PDIA6: variants seen among roughly 807,000 people sequenced by gnomAD.
PDIA6 encodes the protein protein disulfide isomerase family A member 6.
Under a neutral mutation model 58.4 loss-of-function variants are expected in PDIA6, and 29 were observed. The ratio of observed to expected loss-of-function variants is 0.50; its 90% CI spans 0.37 to 0.68. The LOEUF is 0.68. Among genes scored for constraint, PDIA6 ranks in the 30% least tolerant of loss-of-function variants. The pLI is 0.00. For missense variants in PDIA6, 480 were observed against 551.0 expected (o/e 0.87, Z 1.29); for synonymous variants, 192 against 202.6 (o/e 0.95, Z 0.44).
intron 4 of PDIA6, among the ~76,000 whole-genome samples, chr2:10,794,577 G>A (rs929398119): frequency 4.0e-5 from 6 of 149,836 alleles, no homozygotes; most frequent in African/African-American, 7.4e-5. Flanking sequence ...TGTGGCAGCC[G>A]GCCTTTTTTT....
At chr2:10,817,173 A>T (rs1667222937), upstream of PDIA6, among the ~76,000 whole-genome samples, 1 of 152,196 alleles carries the variant, frequency 6.6e-6, no homozygotes, top group African/African-American at 2.4e-5. Flanking sequence ...AGTGAAAGTG[A>T]TGTTATTAAA....
intron 4 of PDIA6, among the ~76,000 whole-genome samples, chr2:10,795,209 G>T (rs1286970955): frequency 6.6e-6 from 1 of 152,162 alleles, no homozygotes; most frequent in Non-Finnish European, 1.5e-5. Context: ...ACTGTCTATT[G>T]CAACTACTCA....
chr2:10,783,483 T>C lies in PDIA6; in HGVS notation c.*775A>G. On this transcript the variant is annotated 3_prime_UTR_variant, in exon 13 of 13. Transcript: ENST00000272227. ...CAAATTCAAAACTTCATTTTCTGAA[T>C]GTTTTACATAAATGCGAACTACCTG... 1 of 462,960 alleles carries C rather than the reference T, an allele frequency of 2.2e-6. No individual in the cohort carries two copies. Among genetic ancestry groups the C allele is most frequent in the Non-Finnish European group, 3.9e-6 (1 of 257,060 alleles). The allele number at this position is 462,960 out of a possible 1,614,324, so 28.7% of individuals were successfully genotyped here. A position where few individuals can be genotyped will look rare whatever the true frequency, so the allele number is the denominator to read the frequency against.
intron 10 of PDIA6, 128 bp downstream of exon 10, chr2:10,788,569 A>G (rs1182707760): frequency 9.7e-5 from 22 of 225,810 alleles, no homozygotes; most frequent in Admixed American, 1.6e-4. Flanking sequence ...GGCAGGAGGG[A>G]AAAAAAAAAA....
chr2:10,817,288 T>G (rs370784250), upstream of PDIA6, among the ~76,000 whole-genome samples: 64 of 152,342 alleles, frequency 4.2e-4, 2 homozygotes, highest in South Asian at 0.013. Flanking sequence ...CCTCAGCAGC[T>G]GATGGTGACG....
chr2:10,784,878 G>A, intron 12 of PDIA6, 56 bp downstream of exon 12: 1 of 1,271,586 alleles, frequency 7.9e-7, no homozygotes, highest in Non-Finnish European at 1.1e-6. Flanking sequence ...AGATGCACAG[G>A]CTCAAGAGAG....
chr2:10,794,478 TTTTTTTTTTTTAG>T (rs1558443425), intron 4 of PDIA6, among the ~76,000 whole-genome samples: 1 of 140,574 alleles, frequency 7.1e-6, no homozygotes, highest in African/African-American at 3.1e-5. Context: ...CTTTTTTTTT[TTTTTTTTTTTTAG>T]AGTTTTCTCA....
chr2:10,796,348 C>T (rs1666267946), intron 4 of PDIA6, among the ~76,000 whole-genome samples: 1 of 152,014 alleles, frequency 6.6e-6, no homozygotes, highest in Non-Finnish European at 1.5e-5. Flanking sequence ...CCATCATGCC[C>T]AGCCCGTTTG....
intron 7 of PDIA6, 88 bp from the exon 8 acceptor site, chr2:10,789,977 GTAAT>G: frequency 1.8e-6 from 2 of 1,114,904 alleles, no homozygotes; most frequent in Non-Finnish European, 2.5e-6. Context: ...CACCTTATAG[GTAAT>G]TTTTTTTTTT....
At chr2:10,804,831 A>G (rs1459301070) in intron 1 of PDIA6, among the ~76,000 whole-genome samples, 3 of 138,528 alleles carry the variant, frequency 2.2e-5, no homozygotes, top group Non-Finnish European at 4.8e-5. Context: ...ATTTGTTTGT[A>G]TCCTCTTTTA....
At chr2:10,808,012 G>A (rs1030363954) in intron 1 of PDIA6, among the ~76,000 whole-genome samples, 2 of 152,132 alleles carry the variant, frequency 1.3e-5, no homozygotes, top group Non-Finnish European at 2.9e-5. Flanking sequence ...GGTTCTGTAC[G>A]CTATAGGTAT....
intron 1 of PDIA6, among the ~76,000 whole-genome samples, chr2:10,824,256 C>A (rs1158924413): frequency 1.3e-5 from 2 of 151,910 alleles, no homozygotes; most frequent in Non-Finnish European, 2.9e-5. Context: ...TGTGTCCTTC[C>A]ATTGGCTAAA....
intron 1 of PDIA6, among the ~76,000 whole-genome samples, chr2:10,804,150 C>T (rs1040197309): frequency 8.6e-5 from 13 of 151,698 alleles, no homozygotes; most frequent in South Asian, 4.2e-4. Flanking sequence ...CCTTGTGATC[C>T]GCCCGCCTCG....
chr2:10,793,844 A>G (rs1666146922), intron 4 of PDIA6, among the ~76,000 whole-genome samples: 1 of 152,252 alleles, frequency 6.6e-6, no homozygotes, highest in South Asian at 2.1e-4. Flanking sequence ...TCTGTGAGAT[A>G]CCAGATAGAA....
upstream of PDIA6, chr2:10,837,388 C>T: frequency 1.7e-6 from 1 of 603,186 alleles, no homozygotes; most frequent in Non-Finnish European, 3.0e-6. Context: ...CTCAATATGA[C>T]AAGATTAAAA....
chr2:10,812,721 C>T lies in PDIA6; in HGVS notation c.-25G>A. 6.6e-7 allele frequency: 1 copy of T among 1,504,596 alleles called. No homozygotes were observed. The highest frequency in any genetic ancestry group is 8.9e-7 in the Non-Finnish European group (1 of 1,129,178). 93.2% of individuals were successfully genotyped at this position (1,504,596 alleles called of 1,614,324 possible). A position where few individuals can be genotyped will look rare whatever the true frequency, so the allele number is the denominator to read the frequency against. ...TGCCGAGCGCCGGGCTACGTGCAGT[C>T]CCCACCGCCGCCGCCGCTTCAGCCC... On this transcript the variant is annotated 5_prime_UTR_variant, in exon 1 of 13. Transcript: ENST00000272227.
upstream of PDIA6, among the ~76,000 whole-genome samples, chr2:10,836,763 C>G (rs1216772793): frequency 2.0e-5 from 3 of 151,988 alleles, no homozygotes; most frequent in Admixed American, 2.0e-4. Context: ...TATATTGTGT[C>G]TTTTCATTGC....
At chr2:10,810,185 G>T in intron 1 of PDIA6, 1 of 861,590 alleles carries the variant, frequency 1.2e-6, no homozygotes, top group Non-Finnish European at 1.9e-6. Flanking sequence ...TGTGGTATGT[G>T]TCATGGTGCC....
upstream of PDIA6, among the ~76,000 whole-genome samples, chr2:10,817,667 G>C (rs902399058): frequency 6.6e-6 from 1 of 152,216 alleles, no homozygotes. Context: ...CTTCCACCAG[G>C]CGGAATTGTT....
Sources: allele counts gnomAD v4.1 joint callset (sites outside exome capture counted in the v4.1 genomes callset), GRCh38; gene constraint gnomAD v4.1.1; transcripts MANE v1.5; gene names NCBI Gene and HGNC (gene_info 2026-07-23, HGNC 2026-07-21).